Variants in UBE3D observed in about 807,000 individuals in gnomAD.
The protein encoded by UBE3D is ubiquitin protein ligase E3D, also known as E3 ubiquitin-protein ligase E3D.
In UBE3D, 48 loss-of-function variants were observed where a neutral mutation model predicts 49.6. That is an observed-to-expected ratio of 0.97 (90% CI 0.77 to 1.23). The LOEUF (loss-of-function observed/expected upper bound fraction) is 1.23, where lower values mean the gene tolerates loss of function less well. UBE3D is among the 50% of genes most tolerant of loss of function. UBE3D has a pLI of 0.00. For missense variants in UBE3D, 452 were observed against 468.4 expected (o/e 0.96, Z 0.32); for synonymous variants, 189 against 174.2 (o/e 1.08, Z -0.67).
intron 8 of UBE3D, among the ~76,000 whole-genome samples, chr6:82,965,583 C>CAAAA (rs35257086): frequency 1.4e-4 from 12 of 86,330 alleles, no homozygotes; most frequent in African/African-American, 2.7e-4. Flanking sequence ...AACTCCATCT[C>CAAAA]AAAAAAAAAA....
At chr6:82,952,755 C>T (rs1186684535) in intron 9 of UBE3D, among the ~76,000 whole-genome samples, 1 of 152,080 alleles carries the variant, frequency 6.6e-6, no homozygotes, top group African/African-American at 2.4e-5. Flanking sequence ...CCCCTCTCTA[C>T]CCAAAGAGAA....
intron 9 of UBE3D, among the ~76,000 whole-genome samples, chr6:82,940,978 C>T (rs1258641058): frequency 3.3e-5 from 5 of 152,046 alleles, no homozygotes; most frequent in African/African-American, 7.2e-5. Flanking sequence ...TTTGGGAGGC[C>T]GAGGCAGGTG....
At chr6:82,977,270 G>A (rs1202853481) in intron 8 of UBE3D, among the ~76,000 whole-genome samples, 2 of 151,642 alleles carry the variant, frequency 1.3e-5, no homozygotes, top group Non-Finnish European at 2.9e-5. Context: ...TATCAGATAT[G>A]CCTATTTGTC....
At chr6:82,892,257 T>C (rs1343849432), downstream of UBE3D, 1 of 152,284 alleles carries the variant, frequency 6.6e-6, no homozygotes, top group Non-Finnish European at 1.5e-5. Context: ...TGTGTGATTC[T>C]AGGCAAGTCT....
At chr6:82,920,600 T>C (rs1160626432) in intron 9 of UBE3D, among the ~76,000 whole-genome samples, 1 of 152,200 alleles carries the variant, frequency 6.6e-6, no homozygotes, top group Non-Finnish European at 1.5e-5. Flanking sequence ...GTCCTCCTCT[T>C]TACTATGGGA....
chr6:82,905,290 T>A (rs776014432), intron 9 of UBE3D, among the ~76,000 whole-genome samples: 1 of 152,196 alleles, frequency 6.6e-6, no homozygotes, highest in Admixed American at 6.6e-5. Context: ...TTTTTCTGCA[T>A]CACATTTTGG....
chr6:83,054,510 C>T (rs1386711928), intron 2 of UBE3D, among the ~76,000 whole-genome samples: 1 of 152,256 alleles, frequency 6.6e-6, no homozygotes, highest in East Asian at 1.9e-4. Context: ...TCTAAAAATA[C>T]CAACATTAAG....
At chr6:82,967,039 C>T (rs543228594) in intron 8 of UBE3D, among the ~76,000 whole-genome samples, 1 of 152,120 alleles carries the variant, frequency 6.6e-6, no homozygotes, top group Non-Finnish European at 1.5e-5. Context: ...TATTTCCATT[C>T]CCTGCCTCAA....
At chr6:83,021,100 G>A (rs962252113) in intron 7 of UBE3D, among the ~76,000 whole-genome samples, 4 of 152,134 alleles carry the variant, frequency 2.6e-5, no homozygotes, top group Non-Finnish European at 5.9e-5. Context: ...AATTGCCACT[G>A]TTTCTCAAAT....
chr6:83,026,086 T>C (rs909424552), intron 5 of UBE3D, among the ~76,000 whole-genome samples: 3 of 152,030 alleles, frequency 2.0e-5, no homozygotes, highest in Admixed American at 6.6e-5. Context: ...CATAACTGCA[T>C]GCATGTTTCA....
At position 83,044,452 on chromosome 6, in the gene UBE3D, A is replaced by C. The variant is rs1439333665; in HGVS notation, c.573T>G (p.Val191=). The C allele has an allele frequency of 2.5e-6, 4 of 1,614,022 alleles. No individual in the cohort carries two copies. In the African/African-American group the frequency reaches 5.3e-5, roughly 22 times the overall value. Residue 191 remains valine, a synonymous_variant, in exon 4 of 10, where the codon GTT becomes GTG. Transcript: ENST00000369747. ...PELSPVEMCC[V]SSDNHCKLEP... ...CCAATTTACAATGGTTGTCAGAAGAAACACAGCACATCTCCACTGGGGATA... is the reference window on the plus strand; with the variant it reads ...CCAATTTACAATGGTTGTCAGAAGACACACAGCACATCTCCACTGGGGATA...
chr6:83,065,379 T>C (rs1784424243), intron 1 of UBE3D, among the ~76,000 whole-genome samples: 2 of 152,162 alleles, frequency 1.3e-5, no homozygotes, highest in African/African-American at 2.4e-5. Flanking sequence ...CTTGTTAAAA[T>C]ATAAGTTTTG....
chr6:82,935,273 T>C (rs1774483614), intron 9 of UBE3D, among the ~76,000 whole-genome samples: 1 of 152,018 alleles, frequency 6.6e-6, no homozygotes, highest in Non-Finnish European at 1.5e-5. Context: ...CTAGCAGATC[T>C]TGTGTGAACT....
chr6:82,985,351 T>TTTTTG (rs200511813), intron 8 of UBE3D, among the ~76,000 whole-genome samples: 135 of 152,028 alleles, frequency 8.9e-4, no homozygotes, highest in Admixed American at 1.1e-3. Flanking sequence ...TGGTTTTGTT[T>TTTTTG]TTTTGTTTTG....
intron 9 of UBE3D, among the ~76,000 whole-genome samples, chr6:82,899,985 A>T (rs1273817726): frequency 6.6e-6 from 1 of 152,216 alleles, no homozygotes; most frequent in African/African-American, 2.4e-5. Context: ...GGTGGGTGTT[A>T]AAGCACAAGA....
At chr6:83,009,324 C>T (rs1780193193) in intron 8 of UBE3D, among the ~76,000 whole-genome samples, 1 of 151,858 alleles carries the variant, frequency 6.6e-6, no homozygotes. Flanking sequence ...CCAAATATTA[C>T]AAAGATAAGC....
intron 1 of UBE3D, among the ~76,000 whole-genome samples, chr6:83,061,693 A>G (rs1175924568): frequency 1.3e-5 from 2 of 152,220 alleles, no homozygotes; most frequent in Admixed American, 1.3e-4. Flanking sequence ...AGGTCAACTC[A>G]CCTCACCCAG....
At chr6:82,956,524 G>A (rs1418073399) in intron 9 of UBE3D, among the ~76,000 whole-genome samples, 1 of 152,196 alleles carries the variant, frequency 6.6e-6, no homozygotes, top group Non-Finnish European at 1.5e-5. Context: ...AGAGGGCTAA[G>A]GAGAGAGAGG....
intron 8 of UBE3D, among the ~76,000 whole-genome samples, chr6:82,960,942 A>AT (rs1194133170): frequency 6.6e-6 from 1 of 152,074 alleles, no homozygotes; most frequent in Non-Finnish European, 1.5e-5. Flanking sequence ...TTCATTCTGA[A>AT]TTTTTTTAAA....
Sources: gnomAD v4.1 joint callset for allele counts (sites outside exome capture counted in the v4.1 genomes callset) on GRCh38, gnomAD v4.1.1 for gene constraint, MANE v1.5 for transcripts, NCBI Gene and HGNC (gene_info 2026-07-23, HGNC 2026-07-21) for gene names.